CMIP: variants seen among roughly 807,000 people sequenced by gnomAD.
CMIP encodes c-Maf inducing protein, also known as C-Maf-inducing protein.
In CMIP, 13 loss-of-function variants were observed where a neutral mutation model predicts 97.3. The ratio of observed to expected loss-of-function variants is 0.13; its 90% CI spans 0.09 to 0.21. The LOEUF is 0.21. Among genes scored for constraint, CMIP ranks in the 10% least tolerant of loss-of-function variants. CMIP has a pLI of 1.00. For synonymous variants in CMIP, 538 were observed against 436.3 expected, an observed-to-expected ratio of 1.23 and a Z score of -2.91; for missense variants, 847 against 1,024.9, an observed-to-expected ratio of 0.83 and a Z score of 2.37.
chr16:81,495,595 C>T (rs2150771095), intron 1 of CMIP: 1 of 1,274,878 alleles, frequency 7.8e-7, no homozygotes, highest in East Asian at 2.5e-5. Context: ...CACAGACCCA[C>T]TTCTCAGAGG....
chr16:81,532,954 G>A (rs974849335), intron 1 of CMIP, among the ~76,000 whole-genome samples: 7 of 152,094 alleles, frequency 4.6e-5, no homozygotes, highest in Non-Finnish European at 1.0e-4. Flanking sequence ...CGAGGCCTTT[G>A]CCCTGACTGC....
At chr16:81,489,588 A>G (rs907344032) in intron 1 of CMIP, among the ~76,000 whole-genome samples, 2 of 152,112 alleles carry the variant, frequency 1.3e-5, no homozygotes, top group African/African-American at 4.8e-5. Flanking sequence ...AACCCAGCAC[A>G]CCCTGTCACC....
chr16:81,597,453 T>G (rs1166214965), intron 1 of CMIP, among the ~76,000 whole-genome samples: 1 of 152,160 alleles, frequency 6.6e-6, no homozygotes, highest in African/African-American at 2.4e-5. Context: ...GTGCGGTTGG[T>G]CAAGTTGTGC....
At chr16:81,623,617 C>T (rs1192995390) in intron 3 of CMIP, among the ~76,000 whole-genome samples, 1 of 152,196 alleles carries the variant, frequency 6.6e-6, no homozygotes, top group Non-Finnish European at 1.5e-5. Context: ...ATTCCTGTGG[C>T]TCTTTGTACC....
intron 3 of CMIP, among the ~76,000 whole-genome samples, chr16:81,632,974 T>C (rs900391658): frequency 1.3e-5 from 2 of 152,050 alleles, no homozygotes; most frequent in African/African-American, 2.4e-5. Flanking sequence ...TTGTGGGTTG[T>C]CATCGTTTCT....
At chr16:81,702,800 C>T (rs765656849) in intron 17 of CMIP, 131 bp downstream of exon 17, 7 of 751,456 alleles carry the variant, frequency 9.3e-6, no homozygotes, top group African/African-American at 1.7e-5. Flanking sequence ...CCCCCTAGTA[C>T]TTAACACGCC....
chr16:81,473,370 C>G (rs1004694568), intron 1 of CMIP, among the ~76,000 whole-genome samples: 2 of 152,306 alleles, frequency 1.3e-5, no homozygotes, highest in African/African-American at 2.4e-5. Context: ...GATTTCAGGA[C>G]TGAGCTGTTT....
At chr16:81,598,223 A>G (rs1395869646) in intron 1 of CMIP, among the ~76,000 whole-genome samples, 1 of 151,940 alleles carries the variant, frequency 6.6e-6, no homozygotes, top group Non-Finnish European at 1.5e-5. Flanking sequence ...ATCGCCTACA[A>G]CAGAGCTGAC....
At chr16:81,693,405 C>A in intron 12 of CMIP, 34 bp from the exon 13 acceptor site, 1 of 1,602,484 alleles carries the variant, frequency 6.2e-7, no homozygotes, top group Non-Finnish European at 8.5e-7. Context: ...GTTCCAGACC[C>A]CGGCAGTAAC....
intron 1 of CMIP, among the ~76,000 whole-genome samples, chr16:81,448,506 T>A (rs1906005842): frequency 6.6e-6 from 1 of 152,216 alleles, no homozygotes. Context: ...AGGGACCTGA[T>A]AGCCCTCCAG....
intron 3 of CMIP, among the ~76,000 whole-genome samples, chr16:81,623,897 C>A (rs147186699): frequency 1.9e-4 from 29 of 152,228 alleles, no homozygotes; most frequent in African/African-American, 7.0e-4. Context: ...AAGTGACTTG[C>A]CTACAGTTGC....
chr16:81,572,893 C>G (rs537372075), intron 1 of CMIP, among the ~76,000 whole-genome samples: 52 of 152,226 alleles, frequency 3.4e-4, no homozygotes, highest in Non-Finnish European at 6.3e-4. Context: ...GGAACCCCCT[C>G]CGTCTCAGAC....
At chr16:81,552,246 C>T (rs976607526) in intron 1 of CMIP, among the ~76,000 whole-genome samples, 1 of 152,168 alleles carries the variant, frequency 6.6e-6, no homozygotes, top group Admixed American at 6.5e-5. Flanking sequence ...TCTCTGACGT[C>T]GGCTCACTTG....
chr16:81,698,431 T>C (rs1907010373), intron 14 of CMIP, among the ~76,000 whole-genome samples: 1 of 152,164 alleles, frequency 6.6e-6, no homozygotes, highest in Admixed American at 6.5e-5. Flanking sequence ...AAAACACCCT[T>C]CCGAGCTCAC....
chr16:81,610,247 C>A (rs924617106), intron 2 of CMIP: 1 of 919,174 alleles, frequency 1.1e-6, no homozygotes, highest in Non-Finnish European at 1.3e-6. Flanking sequence ...GCCGCGGGCC[C>A]AGCTGTGATG....
At chr16:81,495,443 A>G in intron 1 of CMIP, 1 of 1,610,444 alleles carries the variant, frequency 6.2e-7, no homozygotes, top group Non-Finnish European at 8.5e-7. Context: ...CGAGGAGGGA[A>G]GTTACAGATC....
At chr16:81,521,754 T>A (rs921332534) in intron 1 of CMIP, among the ~76,000 whole-genome samples, 2 of 152,084 alleles carry the variant, frequency 1.3e-5, no homozygotes, top group Non-Finnish European at 2.9e-5. Context: ...ACCTTGTAGA[T>A]TTCAAAATGG....
intron 1 of CMIP, among the ~76,000 whole-genome samples, chr16:81,471,622 G>A (rs149100234): frequency 1.3e-4 from 20 of 152,264 alleles, no homozygotes. Flanking sequence ...CTCATCCTTG[G>A]GGGATATGTG....
At chr16:81,656,019 C>T (rs1251266845) in intron 4 of CMIP, among the ~76,000 whole-genome samples, 4 of 152,126 alleles carry the variant, frequency 2.6e-5, no homozygotes, top group Non-Finnish European at 5.9e-5. Flanking sequence ...AATAATCTAC[C>T]ATAAACAGGC....
Sources: allele counts gnomAD v4.1 joint callset (sites outside exome capture counted in the v4.1 genomes callset), GRCh38; gene constraint gnomAD v4.1.1; transcripts MANE v1.5; gene names NCBI Gene and HGNC (gene_info 2026-07-23, HGNC 2026-07-21).